The following TXNDC16 variants were observed in gnomAD, a reference collection of about 807,000 sequenced individuals.
The protein encoded by TXNDC16 is thioredoxin domain-containing protein 16.
A neutral mutation model predicts 85.6 loss-of-function variants in TXNDC16; 74 were observed. The observed-to-expected ratio is 0.86, with a 90% CI of 0.72 to 1.05. TXNDC16 has a LOEUF of 1.05. Among genes scored for constraint, TXNDC16 ranks in the 50% least tolerant of loss-of-function variants. TXNDC16 has a pLI of 0.00. For synonymous variants in TXNDC16, 335 were observed against 326.5 expected (o/e 1.03, Z -0.28); for missense variants, 959 against 947.0 (o/e 1.01, Z -0.17).
intron 6 of TXNDC16, among the ~76,000 whole-genome samples, chr14:52,528,208 G>C (rs2037383802): frequency 6.6e-6 from 1 of 152,088 alleles, no homozygotes; most frequent in Non-Finnish European, 1.5e-5. Context: ...ATAACTGTAG[G>C]TCACTGGTCT....
chr14:52,538,263 G>A (rs1204439033), intron 4 of TXNDC16, among the ~76,000 whole-genome samples: 1 of 152,140 alleles, frequency 6.6e-6, no homozygotes, highest in Non-Finnish European at 1.5e-5. Flanking sequence ...GACAGATGGA[G>A]TACCAACAGC....
chr14:52,506,815 C>T, intron 9 of TXNDC16, among the ~76,000 whole-genome samples: 1 of 147,626 alleles, frequency 6.8e-6, no homozygotes, highest in African/African-American at 2.5e-5. Context: ...CTCGGCCTCC[C>T]AAAGTGCTGG....
intron 6 of TXNDC16, among the ~76,000 whole-genome samples, chr14:52,531,437 T>C (rs1174828113): frequency 6.6e-6 from 1 of 152,142 alleles, no homozygotes; most frequent in Non-Finnish European, 1.5e-5. Flanking sequence ...AGTAGGTCAA[T>C]GGTTAAACTG....
At chr14:52,547,508 T>C (rs974578141) in intron 1 of TXNDC16, among the ~76,000 whole-genome samples, 15 of 152,202 alleles carry the variant, frequency 9.9e-5, no homozygotes, top group African/African-American at 3.4e-4. Context: ...CTGTAATTCA[T>C]TTCTATTGTG....
At chr14:52,443,821 C>T (rs2035219003) in intron 18 of TXNDC16, among the ~76,000 whole-genome samples, 3 of 152,044 alleles carry the variant, frequency 2.0e-5, no homozygotes, top group Admixed American at 1.3e-4. Context: ...AGTGGAAGGA[C>T]CCTACTCTTT....
chr14:52,446,147 G>C (rs979487053), intron 18 of TXNDC16, among the ~76,000 whole-genome samples: 1 of 152,090 alleles, frequency 6.6e-6, no homozygotes, highest in Non-Finnish European at 1.5e-5. Context: ...ACTTTATATC[G>C]CTCAAAGAGG....
chr14:52,484,198 A>AG (rs71125109), intron 12 of TXNDC16, among the ~76,000 whole-genome samples: 34,234 of 138,970 alleles, frequency 0.25, 4,163 homozygotes, highest in East Asian at 0.34. Flanking sequence ...CAAAACAATA[A>AG]GGGGGGGGGG....
intron 15 of TXNDC16, 56 bp from the exon 16 acceptor site, chr14:52,470,229 TAAA>T: frequency 2.2e-6 from 3 of 1,349,634 alleles, no homozygotes; most frequent in Non-Finnish European, 3.0e-6. Flanking sequence ...TTTCAGTTTG[TAAA>T]AAAAAAGCAT....
At chr14:52,488,267 G>A in intron 12 of TXNDC16, 96 bp downstream of exon 12, 1 of 1,458,740 alleles carries the variant, frequency 6.9e-7, no homozygotes, top group Non-Finnish European at 9.4e-7. Context: ...TCTTGAATCT[G>A]AACACATTCT....
At chr14:52,513,752 A>G (rs925988367) in intron 8 of TXNDC16, among the ~76,000 whole-genome samples, 20 of 151,882 alleles carry the variant, frequency 1.3e-4, no homozygotes, top group Non-Finnish European at 5.9e-5. Flanking sequence ...AATAGGACCT[A>G]TACCTTGCCA....
intron 7 of TXNDC16, among the ~76,000 whole-genome samples, chr14:52,516,692 A>T (rs1322718553): frequency 6.6e-6 from 1 of 151,644 alleles, no homozygotes; most frequent in East Asian, 1.9e-4. Flanking sequence ...TTCAGGTTTT[A>T]TTTTCCCTTT....
intron 9 of TXNDC16, among the ~76,000 whole-genome samples, chr14:52,506,787 A>T (rs994663284): frequency 6.9e-6 from 1 of 145,956 alleles, no homozygotes; most frequent in African/African-American, 2.6e-5. Context: ...CGATCTCCTG[A>T]CCTCATGATC....
intron 17 of TXNDC16, 57 bp downstream of exon 17, chr14:52,457,033 A>G: frequency 8.4e-7 from 1 of 1,186,808 alleles, no homozygotes. Context: ...CAATTATTAG[A>G]TAACATTATT....
At chr14:52,496,679 C>T (rs2036541771) in intron 9 of TXNDC16, among the ~76,000 whole-genome samples, 2 of 150,578 alleles carry the variant, frequency 1.3e-5, no homozygotes, top group South Asian at 4.2e-4. Context: ...GATTACAGCT[C>T]ACTACAGCCT....
chr14:52,541,037 A>T (rs1350863368), intron 4 of TXNDC16, among the ~76,000 whole-genome samples: 1 of 152,124 alleles, frequency 6.6e-6, no homozygotes, highest in East Asian at 1.9e-4. Flanking sequence ...GGAGTTCAAG[A>T]CCAGCCTGGC....
At chr14:52,461,654 T>A (rs1244688457) in intron 16 of TXNDC16, among the ~76,000 whole-genome samples, 1 of 152,122 alleles carries the variant, frequency 6.6e-6, no homozygotes, top group Non-Finnish European at 1.5e-5. Context: ...GACAGAGCTG[T>A]GAAGAGGATG....
chr14:52,505,950 C>T (rs1252128215), intron 9 of TXNDC16, among the ~76,000 whole-genome samples: 3 of 152,154 alleles, frequency 2.0e-5, no homozygotes, highest in Admixed American at 6.6e-5. Flanking sequence ...AACACCTCTA[C>T]ACAAATAAAC....
chr14:52,435,719 G>A (rs1416598301), intron 20 of TXNDC16, among the ~76,000 whole-genome samples: 2 of 152,076 alleles, frequency 1.3e-5, no homozygotes, highest in Admixed American at 6.6e-5. Context: ...CCAACACTTT[G>A]GGGGGCTGAG....
At chr14:52,444,718 A>C (rs535819586) in intron 18 of TXNDC16, among the ~76,000 whole-genome samples, 78 of 152,272 alleles carry the variant, frequency 5.1e-4, no homozygotes, top group African/African-American at 1.7e-3. Context: ...AAATATACCA[A>C]GATAAAAAGA....
Sources: gnomAD v4.1 joint callset for allele counts (sites outside exome capture counted in the v4.1 genomes callset) on GRCh38, gnomAD v4.1.1 for gene constraint, MANE v1.5 for transcripts, NCBI Gene and HGNC (gene_info 2026-07-23, HGNC 2026-07-21) for gene names.